The following TRAPPC10 variants were observed in gnomAD, a reference collection of about 807,000 sequenced individuals.
TRAPPC10 encodes the protein trafficking protein particle complex subunit 10, also known as TRAPP 130 kDa subunit.
Under a neutral mutation model 125.5 loss-of-function variants are expected in TRAPPC10, and 23 were observed. The observed-to-expected ratio is 0.18, with a 90% CI of 0.13 to 0.26. TRAPPC10 has a LOEUF of 0.26. Among genes scored for constraint, TRAPPC10 ranks in the 10% least tolerant of loss-of-function variants. The pLI is 1.00. For missense variants in TRAPPC10, 1,123 were observed against 1,308.4 expected, an observed-to-expected ratio of 0.86 and a Z score of 2.19; for synonymous variants, 509 against 518.0, an observed-to-expected ratio of 0.98 and a Z score of 0.24.
At position 44,029,457 on chromosome 21, in the gene TRAPPC10, A is replaced by C. The variant is rs116559847; in HGVS notation, c.68-2634A>C. On this transcript the variant is annotated intron_variant, in intron 1 of 22. Transcript: ENST00000291574. ...CATTTTCAAAGGCATCTCTAATTTC[A>C]TAAGACTTGATGTGAAGATTTAAGA... Among the ~76,000 whole-genome samples, 761 of 152,332 alleles carry C rather than the reference A, an allele frequency of 5.0e-3. 9 individuals carry two copies. Among genetic ancestry groups the C allele is most frequent in the African/African-American group, 0.017 (722 of 41,576 alleles).
intron 2 of TRAPPC10, among the ~76,000 whole-genome samples, chr21:44,037,409 G>A (rs535335917): frequency 4.6e-5 from 7 of 152,222 alleles, no homozygotes; most frequent in African/African-American, 1.4e-4. Flanking sequence ...TAAAGCTTTC[G>A]TAATTAAAAC....
At chr21:44,046,175 C>T (rs567329753) in intron 3 of TRAPPC10, among the ~76,000 whole-genome samples, 2 of 152,242 alleles carry the variant, frequency 1.3e-5, no homozygotes, top group East Asian at 1.9e-4. Context: ...GGTTAAGACT[C>T]GAATGTAGAA....
At chr21:44,020,037 T>G (rs2032321480) in intron 1 of TRAPPC10, among the ~76,000 whole-genome samples, 1 of 151,908 alleles carries the variant, frequency 6.6e-6, no homozygotes, top group African/African-American at 2.4e-5. Context: ...TTTCTGAATA[T>G]TATTTTAGGC....
At chr21:44,058,936 C>T (rs1020206408) in intron 5 of TRAPPC10, among the ~76,000 whole-genome samples, 167 bp from the exon 6 acceptor site, 24 of 152,212 alleles carry the variant, frequency 1.6e-4, no homozygotes, top group African/African-American at 4.6e-4. Context: ...CTTGTGCATG[C>T]GTGAATGTTG....
In TRAPPC10 at chr21:44,082,616, C is replaced by G. The variant is rs1378841713; in HGVS notation, c.1724-172C>G. ...ATTTGCTAATATTCTGCTTTTGATACAATAGCCTTTGGGGGGTGTGAAGAT... is the reference window on the plus strand; with the variant it reads ...ATTTGCTAATATTCTGCTTTTGATAGAATAGCCTTTGGGGGGTGTGAAGAT... On this transcript the variant is annotated intron_variant, in intron 13 of 22. Transcript: ENST00000291574. The surrounding 1 kb of genome is among the most constrained non-coding windows in gnomAD (Gnocchi z 4.4). Among the ~76,000 whole-genome samples the G allele has an allele frequency of 2.0e-5, 3 of 151,874 alleles. No individual in the cohort carries two copies. Among genetic ancestry groups the G allele is most frequent in the Non-Finnish European group, 4.4e-5 (3 of 68,014 alleles).
At chr21:44,015,272 C>CT (rs1454289582) in intron 1 of TRAPPC10, among the ~76,000 whole-genome samples, 1 of 152,012 alleles carries the variant, frequency 6.6e-6, no homozygotes, top group Non-Finnish European at 1.5e-5. Context: ...TTAGACCTTT[C>CT]TGGGAAGAAT....
rs2035287943 is a variant in TRAPPC10 at position 44,052,393 on chromosome 21, G to GA, written c.407dup (p.Asn136LysfsTer18). ...TAGTGATAGTTGAAAATGATGCCAA[G>GA]AAAAAAAACAAAACCAACATCCTTC... is the stretch of plus-strand genomic sequence containing the variant. On this transcript the variant is annotated frameshift_variant, in exon 4 of 23. Transcript: ENST00000291574. LOFTEE classifies it high-confidence loss of function. 2.5e-6 allele frequency: 4 copies of GA among 1,612,806 alleles called. No individual in the cohort carries two copies. Among genetic ancestry groups the GA allele is most frequent in the Non-Finnish European group, 2.5e-6 (3 of 1,179,516 alleles).
At chr21:44,092,094 C>G (rs1241091967) in intron 19 of TRAPPC10, 45 bp downstream of exon 19, 3 of 1,607,360 alleles carry the variant, frequency 1.9e-6, no homozygotes, top group Middle Eastern at 1.7e-4. Context: ...AACAGAGAAC[C>G]AGAGTGTACG....
rs190119637 is a variant in TRAPPC10 at position 44,036,719 on chromosome 21, C to T, written c.150-1073C>T. On this transcript the variant is annotated intron_variant, in intron 2 of 22. Transcript: ENST00000291574. The stretch of plus-strand genomic sequence containing the variant: ...GGATCCAGGGTGAAAGCAACGTCTG[C>T]CAGCAACATGACATGTTTTGCTGAA... Among the ~76,000 whole-genome samples, 9 of 152,208 alleles carry T rather than the reference C, an allele frequency of 5.9e-5. No homozygotes were observed. The East Asian group carries it at 1.7e-3, about 29-fold the overall frequency.
chr21:44,014,290 G>A (rs773113496), intron 1 of TRAPPC10, among the ~76,000 whole-genome samples: 1 of 152,016 alleles, frequency 6.6e-6, no homozygotes, highest in Admixed American at 6.6e-5. Flanking sequence ...CGTGCATCAC[G>A]GACAGCTGAA....
chr21:44,087,511 G>A lies in TRAPPC10; in HGVS notation c.2540-188G>A, dbSNP rs571634075. 3.8e-4 allele frequency among the ~76,000 whole-genome samples: 58 copies of A among 152,296 alleles called. No individual in the cohort carries two copies. The highest frequency in any genetic ancestry group is 1.3e-3 in the Admixed American group (20 of 15,306). Reference sequence around the variant, plus strand: ...ATTGAGATCAATGATGGGTCTGGGCGCCTGCCTGCCGGCTTTCACACAGGG... The same window carrying A: ...ATTGAGATCAATGATGGGTCTGGGCACCTGCCTGCCGGCTTTCACACAGGG... On this transcript the variant is annotated intron_variant, in intron 16 of 22. Transcript: ENST00000291574. The surrounding 1 kb of genome is among the most constrained non-coding windows in gnomAD (Gnocchi z 4.6).
chr21:44,037,361 A>G (rs1459744180), intron 2 of TRAPPC10, among the ~76,000 whole-genome samples: 1 of 152,240 alleles, frequency 6.6e-6, no homozygotes, highest in Non-Finnish European at 1.5e-5. Context: ...TGTTTCTTGG[A>G]TAAAATACAA....
chr21:44,017,309 AC>A (rs2031980680), intron 1 of TRAPPC10, among the ~76,000 whole-genome samples: 1 of 152,154 alleles, frequency 6.6e-6, no homozygotes, highest in Non-Finnish European at 1.5e-5. Flanking sequence ...CTCGGTTCTT[AC>A]ATAATTTCAC....
chr21:44,055,392 C>A (rs1255805983), intron 4 of TRAPPC10, among the ~76,000 whole-genome samples: 2 of 151,990 alleles, frequency 1.3e-5, no homozygotes, highest in Non-Finnish European at 2.9e-5. Flanking sequence ...GAGTTCGAGA[C>A]CAGCCTGGGC....
intron 7 of TRAPPC10, among the ~76,000 whole-genome samples, chr21:44,071,118 C>T (rs2036835432): frequency 6.6e-6 from 1 of 152,138 alleles, no homozygotes; most frequent in Non-Finnish European, 1.5e-5. Flanking sequence ...TAAAGAAGCC[C>T]CATGCACAAA....
intron 8 of TRAPPC10, 140 bp from the exon 9 acceptor site, chr21:44,074,899 G>T: frequency 3.0e-6 from 2 of 659,922 alleles, no homozygotes; most frequent in South Asian, 1.9e-5. Flanking sequence ...ATGTATTTTT[G>T]TATCCAGATT....
At chr21:44,067,024 T>TG (rs1569188797) in intron 7 of TRAPPC10, among the ~76,000 whole-genome samples, 3 of 152,150 alleles carry the variant, frequency 2.0e-5, no homozygotes, top group African/African-American at 2.4e-5. Context: ...AGTGATTTTT[T>TG]GGGGGGGTTT....
chr21:44,070,000 AAG>A (rs1812873560), intron 7 of TRAPPC10, among the ~76,000 whole-genome samples: 1 of 151,800 alleles, frequency 6.6e-6, no homozygotes, highest in African/African-American at 2.4e-5. Flanking sequence ...TTGAAGCGAT[AAG>A]AGAGGGCATA....
At chr21:44,017,658 C>T (rs2032018423) in intron 1 of TRAPPC10, among the ~76,000 whole-genome samples, 1 of 151,650 alleles carries the variant, frequency 6.6e-6, no homozygotes, top group South Asian at 2.1e-4. Context: ...CAGCAGTGTG[C>T]TACGTGGGGG....
Sources: allele counts gnomAD v4.1 joint callset (sites outside exome capture counted in the v4.1 genomes callset), GRCh38; gene constraint gnomAD v4.1.1; non-coding constraint Gnocchi (gnomAD v3.1); transcripts MANE v1.5; gene names NCBI Gene and HGNC (gene_info 2026-07-23, HGNC 2026-07-21).